RUFY2: variants seen among roughly 807,000 people sequenced by gnomAD.
RUFY2 encodes the protein RUN and FYVE domain-containing protein 2.
In RUFY2, 49 loss-of-function variants were observed where a neutral mutation model predicts 94.4. The ratio of observed to expected loss-of-function variants is 0.52; its 90% CI spans 0.41 to 0.66. The LOEUF (loss-of-function observed/expected upper bound fraction) is 0.66. Ranked by LOEUF, RUFY2 falls within the 30% of genes least tolerant of loss-of-function variation. The probability of loss-of-function intolerance (pLI) is 0.00; values close to 1 mark genes in which losing one functional copy is unlikely to be tolerated. For missense variants in RUFY2, 541 were observed against 692.8 expected (o/e 0.78, Z 2.46); for synonymous variants, 255 against 235.7 (o/e 1.08, Z -0.75).
At chr10:68,367,636 CCTT>C (rs2047942138) in intron 13 of RUFY2, among the ~76,000 whole-genome samples, 1 of 151,600 alleles carries the variant, frequency 6.6e-6, no homozygotes, top group East Asian at 1.9e-4. Flanking sequence ...TTCTTTCTTT[CCTT>C]CTTTTCTTTT....
intron 13 of RUFY2, among the ~76,000 whole-genome samples, chr10:68,371,396 T>C (rs955879770): frequency 6.6e-5 from 10 of 150,988 alleles, no homozygotes; most frequent in African/African-American, 1.9e-4. Context: ...CACTCCAACC[T>C]GGGCGACAGG....
intron 15 of RUFY2, among the ~76,000 whole-genome samples, chr10:68,359,315 T>C (rs2132429258): frequency 7.8e-6 from 1 of 127,754 alleles, no homozygotes; most frequent in Non-Finnish European, 1.8e-5. Context: ...TATATACGTA[T>C]ATATACATAT....
intron 1 of RUFY2, chr10:68,406,745 C>A: frequency 6.2e-7 from 1 of 1,604,578 alleles, no homozygotes; most frequent in Non-Finnish European, 8.5e-7. Context: ...ACCATCGCGG[C>A]GGGCTCACCC....
chr10:68,401,571 A>G (rs1421611056), intron 3 of RUFY2, 49 bp downstream of exon 3: 1 of 1,158,606 alleles, frequency 8.6e-7, no homozygotes, highest in South Asian at 1.2e-5. Flanking sequence ...TGGAGGAACA[A>G]TGAATACACT....
At chr10:68,342,110 C>A, downstream of RUFY2, 4 of 1,207,700 alleles carry the variant, frequency 3.3e-6, no homozygotes, top group Non-Finnish European at 4.7e-6. Context: ...ACTAGACTTT[C>A]TTACAGATTT....
In RUFY2 at chr10:68,369,508, A is replaced by C. The variant is rs867008786; in HGVS notation, c.1326-5395T>G. ...TCAAAAAAAAAAAACAAAAAAAAAA[A>C]CAAAAAAAAACCAGGCGAGGCCTTT... On this transcript the variant is annotated intron_variant, in intron 13 of 17. Coordinates refer to ENST00000602465, the MANE Select transcript of RUFY2 (RefSeq NM_001330103.2). 8.8e-3 allele frequency among the ~76,000 whole-genome samples: 1,242 copies of C among 141,514 alleles called. 16 individuals are homozygous for C. The highest frequency in any genetic ancestry group is 0.029 in the African/African-American group (1,133 of 38,902). The allele number at this position is 141,514 out of a possible 152,430, so 92.8% of individuals were successfully genotyped here.
intron 11 of RUFY2, among the ~76,000 whole-genome samples, chr10:68,380,197 C>G (rs1589900924): frequency 6.6e-6 from 1 of 151,704 alleles, no homozygotes; most frequent in East Asian, 1.9e-4. Flanking sequence ...ATCTCGGCCT[C>G]CCTAAGTGCT....
At chr10:68,404,429 TAAAAAATTAA>T (rs1296471935) in intron 2 of RUFY2, among the ~76,000 whole-genome samples, 1 of 152,196 alleles carries the variant, frequency 6.6e-6, no homozygotes, top group Non-Finnish European at 1.5e-5. Flanking sequence ...ATTATGTGTT[TAAAAAATTAA>T]AAAATCAAAT....
chr10:68,349,871 A>G lies in RUFY2; in HGVS notation c.1600-3787T>C, dbSNP rs563392840. On this transcript the variant is annotated intron_variant, in intron 16 of 17. Transcript: ENST00000602465. ...TTTTTTAAATAATAATATCAAAGAC[A>G]AAATATAACAGGACGCTATTTTTAA... Among the ~76,000 whole-genome samples, 169 of 152,194 alleles carry G rather than the reference A, an allele frequency of 1.1e-3. No individual in the cohort carries two copies. The South Asian group carries it at 0.02, about 18-fold the overall frequency.
chr10:68,352,396 G>A (rs981736855), intron 16 of RUFY2, among the ~76,000 whole-genome samples: 19 of 152,166 alleles, frequency 1.2e-4, no homozygotes, highest in African/African-American at 4.1e-4. Flanking sequence ...CTCCCACAAA[G>A]GGGGAAGGTA....
At chr10:68,341,722 G>C (rs373884393), downstream of RUFY2, 74 of 1,580,614 alleles carry the variant, frequency 4.7e-5, no homozygotes, top group Non-Finnish European at 6.0e-5. Context: ...GCTGCTTATC[G>C]ATGAGTCTCA....
At chr10:68,352,467 A>G (rs899373724) in intron 16 of RUFY2, among the ~76,000 whole-genome samples, 2 of 152,242 alleles carry the variant, frequency 1.3e-5, no homozygotes, top group Admixed American at 6.5e-5. Flanking sequence ...CATGAGCAGG[A>G]GAGCAGAGAA....
In RUFY2 at chr10:68,394,085, T is replaced by C; in HGVS notation, c.574A>G (p.Asn192Asp). The change falls in exon 6 of 18, where the codon AAT becomes GAT. Residue 192 changes from asparagine to aspartate, a missense_variant. Asn to Asp is a conservative substitution (Grantham distance 23). Transcript: ENST00000602465. The stretch of plus-strand genomic sequence containing the variant: ...TTATGAAAATCATACCTTTCTTTAT[T>C]TCCAATATCTTCTTCATTCTTTAAA... ...MYLKNEEDIG[N>D]KERNVQIAAI... 1 of 1,505,104 alleles carries C rather than the reference T, an allele frequency of 6.6e-7. No individual in the cohort carries two copies. Among genetic ancestry groups the C allele is most frequent in the Non-Finnish European group, 8.9e-7 (1 of 1,119,702 alleles). 93.2% of individuals were successfully genotyped at this position (1,505,104 alleles called of 1,614,324 possible).
At chr10:68,405,832 G>C in intron 1 of RUFY2, 2 of 366,408 alleles carry the variant, frequency 5.5e-6, no homozygotes, top group Non-Finnish European at 7.6e-6. Context: ...CATCCACACA[G>C]TTGAGGATGC....
intron 13 of RUFY2, among the ~76,000 whole-genome samples, chr10:68,368,739 C>A (rs1007783513): frequency 6.6e-6 from 1 of 152,088 alleles, no homozygotes. Context: ...AATCAAAGAA[C>A]AACATGGTGA....
At chr10:68,342,074 C>T (rs747844719), downstream of RUFY2, 3 of 1,573,672 alleles carry the variant, frequency 1.9e-6, no homozygotes, top group South Asian at 3.4e-5. Context: ...CACCAACATA[C>T]AAGTCTTGAC....
chr10:68,363,838 A>G, intron 14 of RUFY2, 146 bp downstream of exon 14: 1 of 831,732 alleles, frequency 1.2e-6, no homozygotes, highest in Non-Finnish European at 1.8e-6. Context: ...TGTATCAACT[A>G]TTTTCCATTT....
At chr10:68,364,896 T>C (rs1023231959) in intron 13 of RUFY2, among the ~76,000 whole-genome samples, 3 of 151,924 alleles carry the variant, frequency 2.0e-5, no homozygotes, top group African/African-American at 4.8e-5. Flanking sequence ...GCAAACATAG[T>C]TGAATTTCCA....
At position 68,381,359 on chromosome 10, in the gene RUFY2, T is replaced by C; in HGVS notation, c.980A>G (p.His327Arg). 1.2e-6 allele frequency: 2 copies of C among 1,614,078 alleles called. No homozygotes were observed. The highest frequency in any genetic ancestry group is 2.2e-5 in the South Asian group (2 of 91,072). Residue 327 changes from histidine (H) to arginine (R), a missense_variant, in exon 11 of 18, where the codon CAT (histidine) becomes CGT (arginine). His to Arg is a conservative substitution (Grantham distance 29). Around this residue, in one of 3 missense-constraint regions of RUFY2, gnomAD observed 403 missense variants for 480.7 expected, o/e 0.84. Transcript: ENST00000602465. ...NELAVQVSMK[H>R]EIELAMKLLE... is the part of the protein sequence containing the mutation. ...CAACTTCATGGCAAGTTCAATCTCA[T>C]GCTTCATACTAACTTGTACTGCTAG...
Sources: gnomAD v4.1 joint callset for allele counts (sites outside exome capture counted in the v4.1 genomes callset) on GRCh38, gnomAD v4.1.1 for gene constraint, gnomAD v4.1.1 regional missense constraint, MANE v1.5 for transcripts, NCBI Gene and HGNC (gene_info 2026-07-23, HGNC 2026-07-21) for gene names.